The following TLK1 variants were observed in gnomAD, a reference collection of about 807,000 sequenced individuals.
The protein encoded by TLK1 is serine/threonine-protein kinase tousled-like 1.
Under a neutral mutation model 105.3 loss-of-function variants are expected in TLK1, and 24 were observed. The observed-to-expected ratio is 0.23, with a 90% CI of 0.17 to 0.32. The LOEUF is 0.32. Ranked by LOEUF, TLK1 falls within the 10% of genes least tolerant of loss-of-function variation. TLK1 has a pLI of 1.00. For synonymous variants in TLK1, 321 were observed against 310.4 expected (o/e 1.03, Z -0.36); for missense variants, 558 against 910.5 (o/e 0.61, Z 4.98).
chr2:171,066,112 C>G (rs1213297693), intron 3 of TLK1, among the ~76,000 whole-genome samples: 1 of 152,184 alleles, frequency 6.6e-6, no homozygotes, highest in Non-Finnish European at 1.5e-5. Flanking sequence ...TAGTCTGTCT[C>G]TGCCCAAGAG....
At chr2:171,065,544 T>A (rs890861469) in intron 3 of TLK1, among the ~76,000 whole-genome samples, 2 of 148,828 alleles carry the variant, frequency 1.3e-5, no homozygotes, top group South Asian at 4.2e-4. Context: ...ATTCTTTCTT[T>A]TTTTTTTTTT....
chr2:171,158,763 C>A (rs1004474098), intron 1 of TLK1, among the ~76,000 whole-genome samples: 1 of 151,998 alleles, frequency 6.6e-6, no homozygotes, highest in East Asian at 1.9e-4. Context: ...CATTTTAAAC[C>A]GTTCATTTAA....
At chr2:171,052,134 C>T (rs1687269697) in intron 8 of TLK1, among the ~76,000 whole-genome samples, 1 of 152,062 alleles carries the variant, frequency 6.6e-6, no homozygotes, top group South Asian at 2.1e-4. Context: ...ATGGCATGAG[C>T]CTGTAGTCCT....
chr2:171,208,793 A>C (rs1330323799), intron 1 of TLK1, among the ~76,000 whole-genome samples: 1 of 152,220 alleles, frequency 6.6e-6, no homozygotes, highest in African/African-American at 2.4e-5. Context: ...TGCAGGTGGG[A>C]CTGCAAAATG....
chr2:171,056,688 GGTCC>G, intron 5 of TLK1, 122 bp from the exon 6 acceptor site: 1 of 646,320 alleles, frequency 1.5e-6, no homozygotes, highest in Non-Finnish European at 2.4e-6. Context: ...CATTTAAATG[GGTCC>G]AGAACAAAAA....
At chr2:171,014,727 A>G (rs1179306985) in intron 13 of TLK1, 124 bp downstream of exon 13, 2 of 708,450 alleles carry the variant, frequency 2.8e-6, no homozygotes, top group East Asian at 5.3e-5. Flanking sequence ...AAGCCATGGG[A>G]AGGACTTTGG....
chr2:171,154,552 G>C (rs1692162742), intron 1 of TLK1: 1 of 152,170 alleles, frequency 6.6e-6, no homozygotes, highest in African/African-American at 2.4e-5. Flanking sequence ...ATCCGGTTCA[G>C]CTCTGTAATT....
At chr2:171,120,806 C>A (rs1170466454) in intron 1 of TLK1, among the ~76,000 whole-genome samples, 1 of 152,174 alleles carries the variant, frequency 6.6e-6, no homozygotes, top group Non-Finnish European at 1.5e-5. Context: ...ATAACCAATA[C>A]AAGCGAAAGC....
intron 2 of TLK1, among the ~76,000 whole-genome samples, chr2:171,115,214 C>A (rs1220030191): frequency 7.8e-6 from 1 of 127,474 alleles, no homozygotes; most frequent in Non-Finnish European, 1.6e-5. Flanking sequence ...TCTTGTTGCC[C>A]AGGCTGGAGT....
At chr2:171,082,092 G>A (rs1256354867) in intron 3 of TLK1, among the ~76,000 whole-genome samples, 1 of 151,344 alleles carries the variant, frequency 6.6e-6, no homozygotes, top group African/African-American at 2.4e-5. Context: ...GGAGAGAAAA[G>A]GCTATACCCA....
chr2:171,043,589 G>A (rs1319724589), intron 11 of TLK1, among the ~76,000 whole-genome samples: 1 of 152,026 alleles, frequency 6.6e-6, no homozygotes, highest in African/African-American at 2.4e-5. Context: ...AAGAGGGAGA[G>A]ATTATAAACA....
At chr2:171,007,482 A>G (rs962153641) in intron 14 of TLK1, among the ~76,000 whole-genome samples, 1 of 151,906 alleles carries the variant, frequency 6.6e-6, no homozygotes, top group Non-Finnish European at 1.5e-5. Flanking sequence ...TTTCTTTCTC[A>G]CTTTTTAGAA....
intron 2 of TLK1, 94 bp downstream of exon 2, chr2:171,117,645 C>T: frequency 1.0e-6 from 1 of 952,468 alleles, no homozygotes; most frequent in East Asian, 2.4e-5. Flanking sequence ...GTTACATTTG[C>T]TGTTAAGCAC....
At chr2:171,182,566 T>A (rs1489946765) in intron 1 of TLK1, among the ~76,000 whole-genome samples, 4 of 152,060 alleles carry the variant, frequency 2.6e-5, no homozygotes, top group Admixed American at 6.6e-5. Context: ...GGTGGGAGAC[T>A]AGAGAGACAT....
At chr2:171,155,257 A>T (rs1191609848) in intron 1 of TLK1, among the ~76,000 whole-genome samples, 2 of 152,210 alleles carry the variant, frequency 1.3e-5, no homozygotes, top group Non-Finnish European at 2.9e-5. Flanking sequence ...ATTGAAAATC[A>T]GCCCCCATAG....
At chr2:171,072,309 T>C (rs972865437) in intron 3 of TLK1, among the ~76,000 whole-genome samples, 9 of 152,226 alleles carry the variant, frequency 5.9e-5, no homozygotes, top group Admixed American at 3.9e-4. Context: ...AGAGATATTT[T>C]ACTACTTTGA....
chr2:171,085,240 T>C (rs930109309), intron 2 of TLK1, among the ~76,000 whole-genome samples: 1 of 151,852 alleles, frequency 6.6e-6, no homozygotes. Context: ...AAATACAAAA[T>C]TAGCCAGGCG....
chr2:171,064,937 T>C (rs561981781), intron 3 of TLK1, among the ~76,000 whole-genome samples: 1 of 152,344 alleles, frequency 6.6e-6, no homozygotes, highest in South Asian at 2.1e-4. Context: ...TGATATAATT[T>C]AACTAATCCT....
intron 2 of TLK1, among the ~76,000 whole-genome samples, chr2:171,112,509 T>G (rs968082184): frequency 6.6e-6 from 1 of 152,160 alleles, no homozygotes; most frequent in Non-Finnish European, 1.5e-5. Flanking sequence ...ACTCCAAACC[T>G]ACAGCAAACA....
Sources: gnomAD v4.1 joint callset for allele counts (sites outside exome capture counted in the v4.1 genomes callset) on GRCh38, gnomAD v4.1.1 for gene constraint, MANE v1.5 for transcripts, NCBI Gene and HGNC (gene_info 2026-07-23, HGNC 2026-07-21) for gene names.